Variants in LYPD5 observed in about 807,000 individuals in gnomAD.
The protein encoded by LYPD5 is ly6/PLAUR domain-containing protein 5.
A neutral mutation model predicts 19.1 loss-of-function variants in LYPD5; 21 were observed. That is an observed-to-expected ratio of 1.10 (90% CI 0.78 to 1.58). LYPD5 has a LOEUF of 1.58. LYPD5 is among the 40% of genes most tolerant of loss of function. The pLI is 0.00. For synonymous variants in LYPD5, 128 were observed against 142.7 expected, an observed-to-expected ratio of 0.90 and a Z score of 0.74; for missense variants, 287 against 329.8, an observed-to-expected ratio of 0.87 and a Z score of 1.00.
Position 43,796,493 on chromosome 19 carries a change from T to C in LYPD5, c.*1098A>G, listed in dbSNP as rs1325223966. 1 of 152,662 alleles carries C rather than the reference T, an allele frequency of 6.6e-6. No individual in the cohort carries two copies. Among genetic ancestry groups the C allele is most frequent in the Non-Finnish European group, 1.5e-5 (1 of 68,074 alleles). 9.5% of individuals were successfully genotyped at this position (152,662 alleles called of 1,614,324 possible). ...AGAATGCGCTTCCTCCTGCTTCTTT[T>C]TGCCAGCTACTATTGATCCTTTAGG... On this transcript the variant is annotated 3_prime_UTR_variant, in exon 5 of 5. Transcript: ENST00000377950.
upstream of LYPD5, among the ~76,000 whole-genome samples, chr19:43,807,368 T>C (rs890708742): frequency 6.6e-6 from 1 of 151,182 alleles, no homozygotes; most frequent in Non-Finnish European, 1.5e-5. Flanking sequence ...GCAACCTCCG[T>C]GTCCCAGGTT....
intron 1 of LYPD5, among the ~76,000 whole-genome samples, chr19:43,801,920 GT>G (rs2033326844): frequency 6.6e-6 from 1 of 152,200 alleles, no homozygotes; most frequent in African/African-American, 2.4e-5. Context: ...TGAAGCCAGG[GT>G]TTCTGCCAGT....
chr19:43,805,670 G>A (rs189658323), upstream of LYPD5, among the ~76,000 whole-genome samples: 1 of 152,034 alleles, frequency 6.6e-6, no homozygotes, highest in South Asian at 2.1e-4. Context: ...ACCATGCCTG[G>A]CTAATTTTTG....
At chr19:43,805,638 GC>G (rs1465139506), upstream of LYPD5, among the ~76,000 whole-genome samples, 4 of 152,300 alleles carry the variant, frequency 2.6e-5, no homozygotes, top group East Asian at 3.9e-4. Flanking sequence ...CTCCCAAGTA[GC>G]TGGGATCACA....
At chr19:43,818,635 A>G (rs1375042692) in intron 1 of LYPD5, among the ~76,000 whole-genome samples, 1 of 152,176 alleles carries the variant, frequency 6.6e-6, no homozygotes, top group Admixed American at 6.5e-5. Context: ...TGCAGGCATG[A>G]GGTCAGGTTT....
intron 1 of LYPD5, among the ~76,000 whole-genome samples, chr19:43,814,160 C>G (rs111926730): frequency 0.013 from 1,958 of 152,258 alleles, 37 homozygotes; most frequent in African/African-American, 0.045. Flanking sequence ...TTCCCAGGAG[C>G]CCATGTATAT....
chr19:43,799,844 G>A lies in LYPD5; in HGVS notation c.65-10C>T. The A allele has an allele frequency of 3.1e-6, 5 of 1,605,846 alleles. No individual in the cohort carries two copies. The highest frequency in any genetic ancestry group is 4.3e-6 in the Non-Finnish European group (5 of 1,176,402). On this transcript the variant is annotated splice_polypyrimidine_tract_variant and intron_variant, in intron 1 of 4. Coordinates refer to ENST00000377950, the MANE Select transcript of LYPD5 (RefSeq NM_001031749.3). Reference sequence around the variant, plus strand: ...TGCAGGGCTTGGGACCCTGGGGAGAGAGGCGTGGCAGAGTCAGCAGGGCCA... The same window carrying A: ...TGCAGGGCTTGGGACCCTGGGGAGAAAGGCGTGGCAGAGTCAGCAGGGCCA...
At chr19:43,799,295 G>C (rs62116991) in intron 2 of LYPD5, among the ~76,000 whole-genome samples, 46,820 of 151,962 alleles carry the variant, frequency 0.31, 9,055 homozygotes, top group South Asian at 0.56. Flanking sequence ...CCAGGCTGGA[G>C]TGCAGTGACC....
intron 1 of LYPD5, among the ~76,000 whole-genome samples, chr19:43,808,829 T>G (rs1970293463): frequency 6.6e-6 from 1 of 152,252 alleles, no homozygotes; most frequent in Non-Finnish European, 1.5e-5. Context: ...GTTAATATTT[T>G]ATCTTAGAAT....
At chr19:43,813,465 T>C (rs563184905) in intron 1 of LYPD5, among the ~76,000 whole-genome samples, 4 of 152,122 alleles carry the variant, frequency 2.6e-5, no homozygotes, top group Non-Finnish European at 5.9e-5. Context: ...TAACCTTCTT[T>C]CCTTATAAAT....
chr19:43,798,399 G>T (rs752911986), intron 4 of LYPD5, 56 bp downstream of exon 4: 320 of 1,593,094 alleles, frequency 2.0e-4, no homozygotes, highest in Non-Finnish European at 2.5e-4. Flanking sequence ...CTACCCTCAT[G>T]GCTGCCCTGC....
intron 3 of LYPD5, 45 bp downstream of exon 3, chr19:43,798,767 C>T (rs1044270227): frequency 1.9e-6 from 3 of 1,578,184 alleles, no homozygotes; most frequent in African/African-American, 2.7e-5. Flanking sequence ...GGCTGCCAGG[C>T]CTCTCATCGT....
At chr19:43,820,272 A>G (rs138936570) in intron 1 of LYPD5, among the ~76,000 whole-genome samples, 1 of 152,264 alleles carries the variant, frequency 6.6e-6, no homozygotes, top group Non-Finnish European at 1.5e-5. Flanking sequence ...CCTGTGTCAC[A>G]AGACATCCCA....
At chr19:43,815,833 C>A in intron 1 of LYPD5, 1 of 333,558 alleles carries the variant, frequency 3.0e-6, no homozygotes, top group South Asian at 2.5e-5. Flanking sequence ...TGCTTCCCGA[C>A]TTCAAGCGAT....
intron 4 of LYPD5, among the ~76,000 whole-genome samples, chr19:43,798,069 C>T (rs1360520702): frequency 6.7e-6 from 1 of 148,458 alleles, no homozygotes; most frequent in Non-Finnish European, 1.5e-5. Flanking sequence ...CATGCCTCCT[C>T]CCCCAGACCA....
chr19:43,799,954 C>T lies in LYPD5; in HGVS notation c.65-120G>A, dbSNP rs1176221624. ...GGCCCCTCTGCTCCCAGGGAAGACACGCCTTGAGAGACCAGGTGCTGCTAT... is the reference window on the plus strand; with the variant it reads ...GGCCCCTCTGCTCCCAGGGAAGACATGCCTTGAGAGACCAGGTGCTGCTAT... On this transcript the variant is annotated intron_variant, in intron 1 of 4. Coordinates refer to ENST00000377950, the MANE Select transcript of LYPD5 (RefSeq NM_001031749.3). The T allele has an allele frequency of 6.0e-5, 73 of 1,225,272 alleles. No homozygotes were observed. In the Admixed American group the frequency reaches 1.1e-3, roughly 18 times the overall value. 75.9% of individuals were successfully genotyped at this position (1,225,272 alleles called of 1,614,324 possible).
intron 1 of LYPD5, among the ~76,000 whole-genome samples, chr19:43,808,008 A>T (rs1970286103): frequency 6.6e-6 from 1 of 152,262 alleles, no homozygotes; most frequent in Non-Finnish European, 1.5e-5. Context: ...TAATTACAGA[A>T]TCCTTTGAGA....
intron 1 of LYPD5, among the ~76,000 whole-genome samples, chr19:43,817,215 T>G (rs1251709787): frequency 6.6e-6 from 1 of 152,090 alleles, no homozygotes; most frequent in Admixed American, 6.5e-5. Context: ...AATGGTTGGT[T>G]GGTTATTGTG....
rs775029355 is a variant in LYPD5 at position 43,798,952 on chromosome 19, C to G, written c.230G>C (p.Cys77Ser). The change falls in exon 3 of 5, where the codon TGC becomes TCC. Residue 77 changes from cysteine (C) to serine (S), a missense_variant. Coordinates refer to ENST00000377950, the MANE Select transcript of LYPD5 (RefSeq NM_001031749.3). The stretch of plus-strand genomic sequence containing the variant: ...CTGGCCCGCAGGAGGCCCGGTCCAG[C>G]AGCCCTTCCGCACCAGGGTCACCGG... The part of the protein sequence containing the change: ...RAPVTLVRKG[C>S]WTGPPAGQTQ... The G allele has an allele frequency of 2.5e-6, 4 of 1,586,266 alleles. No individual in the cohort carries two copies. Among genetic ancestry groups the G allele is most frequent in the Non-Finnish European group, 3.4e-6 (4 of 1,167,114 alleles).
Sources: gnomAD v4.1 joint callset for allele counts (sites outside exome capture counted in the v4.1 genomes callset) on GRCh38, gnomAD v4.1.1 for gene constraint, MANE v1.5 for transcripts, NCBI Gene and HGNC (gene_info 2026-07-23, HGNC 2026-07-21) for gene names.